Variants in HORMAD2 observed in about 807,000 individuals in gnomAD.
HORMAD2 encodes the protein HORMA domain containing 2.
HORMAD2 carries 45 observed loss-of-function variants against 38.8 expected under a neutral mutation model. That is an observed-to-expected ratio of 1.16 (90% CI 0.91 to 1.49). HORMAD2 has a LOEUF of 1.49. HORMAD2 is among the 40% of genes most tolerant of loss of function. The probability of loss-of-function intolerance (pLI) is 0.00; values close to 1 mark genes in which losing one functional copy is unlikely to be tolerated. For synonymous variants in HORMAD2, 126 were observed against 122.8 expected (o/e 1.03, Z -0.17); for missense variants, 338 against 367.0 (o/e 0.92, Z 0.65).
downstream of HORMAD2, among the ~76,000 whole-genome samples, chr22:30,178,800 TAAAA>T (rs1442412487): frequency 6.6e-6 from 1 of 152,202 alleles, no homozygotes; most frequent in East Asian, 1.9e-4. Context: ...CATTATTAAA[TAAAA>T]AGTTATGTAG....
chr22:30,151,806 A>G (rs1924769124), intron 10 of HORMAD2, among the ~76,000 whole-genome samples: 1 of 152,252 alleles, frequency 6.6e-6, no homozygotes, highest in Non-Finnish European at 1.5e-5. Context: ...TTTCATAGGA[A>G]TTGATAAGAA....
At chr22:30,202,717 C>CA in the HORMAD2 span, among the ~76,000 whole-genome samples, 7 of 152,208 alleles carry the variant, frequency 4.6e-5, no homozygotes, top group African/African-American at 1.7e-4. Context: ...TCTCAGCAGA[C>CA]AAAATAGCCC....
chr22:30,097,473 T>A (rs936591480), intron 2 of HORMAD2, among the ~76,000 whole-genome samples: 2 of 152,230 alleles, frequency 1.3e-5, no homozygotes, highest in Admixed American at 6.5e-5. Flanking sequence ...TTCCTAGTAT[T>A]GATACTTTTT....
At chr22:30,146,806 A>G (rs1331277463) in intron 10 of HORMAD2, among the ~76,000 whole-genome samples, 2 of 152,206 alleles carry the variant, frequency 1.3e-5, no homozygotes, top group East Asian at 3.8e-4. Flanking sequence ...TAAGAAATCT[A>G]CAAGAAAGAC....
chr22:30,179,526 G>T (rs1169887803), downstream of HORMAD2, among the ~76,000 whole-genome samples: 1 of 152,148 alleles, frequency 6.6e-6, no homozygotes, highest in Admixed American at 6.5e-5. Context: ...GTTATCCATT[G>T]GTAAAGTCAA....
At chr22:30,171,450 A>G (rs1465935307) in intron 10 of HORMAD2, among the ~76,000 whole-genome samples, 2 of 152,104 alleles carry the variant, frequency 1.3e-5, no homozygotes, top group African/African-American at 4.8e-5. Flanking sequence ...CTCTCTTACC[A>G]TGGTATCCAA....
intron 10 of HORMAD2, among the ~76,000 whole-genome samples, chr22:30,126,867 A>G (rs1456578354): frequency 6.6e-6 from 1 of 152,164 alleles, no homozygotes; most frequent in Non-Finnish European, 1.5e-5. Context: ...CATCGTTAAG[A>G]TTTTAGCCAT....
the HORMAD2 span, among the ~76,000 whole-genome samples, chr22:30,189,238 T>C: frequency 6.6e-6 from 1 of 152,146 alleles, no homozygotes; most frequent in Non-Finnish European, 1.5e-5. Context: ...TGACAAGGCA[T>C]TGGGACAGGA....
At chr22:30,133,580 C>G (rs908014408) in intron 10 of HORMAD2, among the ~76,000 whole-genome samples, 1 of 150,354 alleles carries the variant, frequency 6.7e-6, no homozygotes, top group Non-Finnish European at 1.5e-5. Context: ...GCAATTGGCC[C>G]TTTGTATCTG....
At chr22:30,089,872 ACTCT>A (rs1184110767) in intron 1 of HORMAD2, among the ~76,000 whole-genome samples, 3 of 151,474 alleles carry the variant, frequency 2.0e-5, no homozygotes, top group Admixed American at 6.6e-5. Context: ...TACCTATTAA[ACTCT>A]TTATTCCTTC....
At chr22:30,207,010 G>A in the HORMAD2 span, 1 of 465,642 alleles carries the variant, frequency 2.1e-6, no homozygotes, top group South Asian at 1.6e-5. Context: ...CAGAGCCCCA[G>A]CAGCCTCCAC....
intron 4 of HORMAD2, 148 bp downstream of exon 4, chr22:30,103,648 G>GTTTT (rs1569087601): frequency 2.4e-4 from 18 of 73,712 alleles, no homozygotes; most frequent in East Asian, 4.3e-4. Context: ...TTCTGTTTTT[G>GTTTT]ATTTTTTTTT....
At chr22:30,087,773 T>C (rs992753347) in intron 1 of HORMAD2, among the ~76,000 whole-genome samples, 2 of 151,750 alleles carry the variant, frequency 1.3e-5, no homozygotes, top group Admixed American at 6.6e-5. Flanking sequence ...TTGCAATAAC[T>C]CACTCACTTA....
intron 10 of HORMAD2, among the ~76,000 whole-genome samples, chr22:30,159,680 A>G (rs1925322618): frequency 6.6e-6 from 1 of 152,118 alleles, no homozygotes; most frequent in African/African-American, 2.4e-5. Context: ...TGTGAATGAC[A>G]CCCCTGGGGT....
At chr22:30,177,508 A>G (rs1926523586), downstream of HORMAD2, among the ~76,000 whole-genome samples, 1 of 152,192 alleles carries the variant, frequency 6.6e-6, no homozygotes, top group Admixed American at 6.5e-5. Flanking sequence ...GACTCATGAA[A>G]GCCTGCTCTG....
intron 8 of HORMAD2, among the ~76,000 whole-genome samples, chr22:30,120,870 A>G (rs938902940): frequency 1.3e-5 from 2 of 152,188 alleles, no homozygotes; most frequent in African/African-American, 4.8e-5. Flanking sequence ...TGAACAGCAT[A>G]TGCAAATACT....
exon 1 of HORMAD2, chr22:30,080,461 CCCG>C (rs1281515474): frequency 3.3e-5 from 5 of 152,360 alleles, no homozygotes; most frequent in African/African-American, 1.2e-4. Flanking sequence ...GCCGTTGACC[CCCG>C]GTGGGAGGGA....
chr22:30,164,715 A>C (rs940443471), intron 10 of HORMAD2, among the ~76,000 whole-genome samples: 1 of 152,114 alleles, frequency 6.6e-6, no homozygotes, highest in Non-Finnish European at 1.5e-5. Flanking sequence ...GCTGGTCCCA[A>C]ACTCCTGGGC....
intron 10 of HORMAD2, among the ~76,000 whole-genome samples, chr22:30,141,967 G>A (rs1924107263): frequency 6.6e-6 from 1 of 151,932 alleles, no homozygotes; most frequent in African/African-American, 2.4e-5. Flanking sequence ...TACGGTTTAC[G>A]GGCTGGGTGC....
Sources: allele counts gnomAD v4.1 joint callset (sites outside exome capture counted in the v4.1 genomes callset), GRCh38; gene constraint gnomAD v4.1.1; transcripts MANE v1.5; gene names NCBI Gene and HGNC (gene_info 2026-07-23, HGNC 2026-07-21).